ANK3: variants seen among roughly 807,000 people sequenced by gnomAD.
ANK3 encodes the protein ankyrin-3.
Under a neutral mutation model 370.9 loss-of-function variants are expected in ANK3, and 57 were observed. The observed-to-expected ratio is 0.15, with a 90% CI of 0.12 to 0.19. The LOEUF (loss-of-function observed/expected upper bound fraction) is 0.19, where lower values mean the gene tolerates loss of function less well. ANK3 is among the 10% of genes least tolerant of loss of function. ANK3 has a pLI of 1.00. For missense variants in ANK3, 4,439 were observed against 5,302.1 expected (o/e 0.84, Z 5.06); for synonymous variants, 1,929 against 1,946.3 (o/e 0.99, Z 0.23).
chr10:60,393,900 T>C (rs1340974015), upstream of ANK3, among the ~76,000 whole-genome samples: 6 of 151,718 alleles, frequency 4.0e-5, no homozygotes, highest in East Asian at 1.9e-4. Context: ...ATGGGGAGTA[T>C]ATAGAATAAT....
intron 23 of ANK3, among the ~76,000 whole-genome samples, chr10:60,141,734 G>C (rs1254408495): frequency 2.0e-5 from 3 of 151,398 alleles, no homozygotes; most frequent in African/African-American, 7.3e-5. Flanking sequence ...ACAGGAATCT[G>C]AATCTGTAGA....
chr10:60,082,358 C>T, intron 34 of ANK3, 182 bp from the exon 35 acceptor site: 1 of 678,090 alleles, frequency 1.5e-6, no homozygotes, highest in Non-Finnish European at 2.4e-6. Flanking sequence ...GGCAAATTAA[C>T]ATATGACGTT....
intron 2 of ANK3, among the ~76,000 whole-genome samples, chr10:60,475,751 G>A (rs1335925355): frequency 2.0e-5 from 3 of 152,026 alleles, no homozygotes; most frequent in Admixed American, 2.0e-4. Flanking sequence ...TAACTAGAGA[G>A]CCCTTCTCAA....
chr10:60,195,366 A>G (rs2096569308), intron 16 of ANK3, among the ~76,000 whole-genome samples: 1 of 149,382 alleles, frequency 6.7e-6, no homozygotes, highest in Admixed American at 6.7e-5. Flanking sequence ...CCTGGGAGAC[A>G]GAGCTAGTCT....
Position 60,584,798 on chromosome 10 carries a change from G to A in ANK3, c.96+30388C>T, listed in dbSNP as rs565973563. 2.6e-5 allele frequency among the ~76,000 whole-genome samples: 4 copies of A among 151,998 alleles called. No individual in the cohort carries two copies. In the South Asian group the frequency reaches 6.2e-4, roughly 24 times the overall value. On this transcript the variant is annotated intron_variant, in intron 2 of 43. Coordinates refer to the ANK3 transcript ENST00000373827. The stretch of plus-strand genomic sequence containing the variant: ...GTCTGAAACTCAATGACATCTTCAC[G>A]CAGTTAGACTTAGACATTCCCAATC...
chr10:60,657,487 T>C (rs2078880739), intron 1 of ANK3, among the ~76,000 whole-genome samples: 1 of 152,198 alleles, frequency 6.6e-6, no homozygotes, highest in Admixed American at 6.5e-5. Flanking sequence ...CTATGGTTAA[T>C]TAGAAGAAAG....
At chr10:60,497,951 A>C (rs548282011) in intron 2 of ANK3, among the ~76,000 whole-genome samples, 4 of 152,290 alleles carry the variant, frequency 2.6e-5, no homozygotes, top group African/African-American at 9.6e-5. Context: ...AAAGGAAAGT[A>C]TTTTTAGAGG....
intron 2 of ANK3, among the ~76,000 whole-genome samples, chr10:60,478,310 C>T (rs1029288059): frequency 3.9e-5 from 6 of 151,978 alleles, no homozygotes; most frequent in African/African-American, 9.6e-5. Flanking sequence ...TGATTTTGTT[C>T]GTAACAGTCA....
intron 1 of ANK3, among the ~76,000 whole-genome samples, chr10:60,343,097 G>A (rs1396805892): frequency 1.3e-5 from 2 of 152,176 alleles, no homozygotes; most frequent in Non-Finnish European, 2.9e-5. Context: ...TCGTGGGTGA[G>A]TTATTAAGTC....
intron 2 of ANK3, among the ~76,000 whole-genome samples, chr10:60,567,172 T>C (rs944128993): frequency 6.6e-6 from 1 of 152,202 alleles, no homozygotes; most frequent in Non-Finnish European, 1.5e-5. Context: ...GACAGCCCTA[T>C]ACTGTAGTGG....
At chr10:60,517,399 T>C (rs902026160) in intron 2 of ANK3, among the ~76,000 whole-genome samples, 1 of 152,016 alleles carries the variant, frequency 6.6e-6, no homozygotes, top group African/African-American at 2.4e-5. Context: ...CTGGTAGGCT[T>C]GTGAAGATGA....
chr10:60,302,111 A>G (rs901667907), intron 1 of ANK3, among the ~76,000 whole-genome samples: 1 of 152,226 alleles, frequency 6.6e-6, no homozygotes, highest in Non-Finnish European at 1.5e-5. Flanking sequence ...CCTATTTTTT[A>G]TGAAACTTAT....
chr10:60,661,164 T>A (rs1286040767), intron 1 of ANK3, among the ~76,000 whole-genome samples: 3 of 151,304 alleles, frequency 2.0e-5, no homozygotes, highest in Non-Finnish European at 4.4e-5. Context: ...TTTGGTTTTT[T>A]TTTTTTTCAA....
At chr10:60,342,680 G>T (rs2054529090) in intron 1 of ANK3, among the ~76,000 whole-genome samples, 1 of 152,136 alleles carries the variant, frequency 6.6e-6, no homozygotes. Context: ...CTAAGTCTGA[G>T]CATTGAACCA....
chr10:60,113,173 C>T (rs1477870483), intron 26 of ANK3, among the ~76,000 whole-genome samples: 1 of 151,980 alleles, frequency 6.6e-6, no homozygotes, highest in African/African-American at 2.4e-5. Context: ...CACAGCACTT[C>T]CAGTGTAGAC....
intron 42 of ANK3, among the ~76,000 whole-genome samples, chr10:60,048,155 C>T (rs2077255029): frequency 6.6e-6 from 1 of 152,200 alleles, no homozygotes; most frequent in African/African-American, 2.4e-5. Flanking sequence ...CTGGGAGATA[C>T]TTCCCAGCCA....
chr10:60,536,375 G>T (rs1256061318), intron 2 of ANK3, among the ~76,000 whole-genome samples: 1 of 152,018 alleles, frequency 6.6e-6, no homozygotes, highest in Non-Finnish European at 1.5e-5. Context: ...TGAACAAGCT[G>T]TGTAGTTACA....
rs1450993041 is a variant in ANK3 at position 60,071,277 on chromosome 10, C to T, written c.9604G>A (p.Glu3202Lys). The change falls in exon 37 of 44, where the codon GAG becomes AAG. Residue 3202 changes from glutamate to lysine, a missense_variant. By Grantham distance (56) the Glu-to-Lys change is moderately conservative. Transcript: ENST00000280772. ...YIPGKPSPIP[E>K]VSEESEEEEQ... ...TCCTCCTCTGACTCCTCAGAAACCT[C>T]GGGAATTGGGCTGGGTTTGCCTGGT... 9 of 1,613,932 alleles carry T rather than the reference C, an allele frequency of 5.6e-6. No individual in the cohort carries two copies. Among genetic ancestry groups the T allele is most frequent in the East Asian group, 2.2e-5 (1 of 44,888 alleles).
At chr10:60,203,171 C>A (rs909566441) in intron 11 of ANK3, 71 bp from the exon 12 acceptor site, 6 of 1,009,124 alleles carry the variant, frequency 5.9e-6, no homozygotes, top group African/African-American at 3.2e-5. Flanking sequence ...AGCCTGCCTG[C>A]CTGTCATCCA....
Sources: gnomAD v4.1 joint callset for allele counts (sites outside exome capture counted in the v4.1 genomes callset) on GRCh38, gnomAD v4.1.1 for gene constraint, MANE v1.5 for transcripts, NCBI Gene and HGNC (gene_info 2026-07-23, HGNC 2026-07-21) for gene names.